The following PCSK5 variants were observed in gnomAD, a reference collection of about 807,000 sequenced individuals.
The protein encoded by PCSK5 is prohormone convertase 5.
Under a neutral mutation model 233.2 loss-of-function variants are expected in PCSK5, and 129 were observed. That is an observed-to-expected ratio of 0.55 (90% CI 0.48 to 0.64). The LOEUF is 0.64. PCSK5 is among the 30% of genes least tolerant of loss of function. The pLI is 0.00. For missense variants in PCSK5, 2,076 were observed against 2,430.1 expected (o/e 0.85, Z 3.06); for synonymous variants, 825 against 879.2 (o/e 0.94, Z 1.09).
intron 10 of PCSK5, among the ~76,000 whole-genome samples, chr9:76,136,858 A>G (rs1823004315): frequency 6.6e-6 from 1 of 152,004 alleles, no homozygotes; most frequent in Non-Finnish European, 1.5e-5. Context: ...GTAGCAAACA[A>G]CTCAGTTTTG....
chr9:75,935,455 A>G (rs959164650), intron 2 of PCSK5, among the ~76,000 whole-genome samples: 4 of 152,226 alleles, frequency 2.6e-5, no homozygotes, highest in African/African-American at 7.2e-5. Context: ...TGCGCCTTCA[A>G]TTCTAAATAA....
intron 5 of PCSK5, among the ~76,000 whole-genome samples, chr9:76,046,155 CTTTTGTTTT>C (rs1829364452): frequency 1.0e-3 from 57 of 55,676 alleles, no homozygotes; most frequent in African/African-American, 2.4e-3. Context: ...ATAATTTTTT[CTTTTGTTTT>C]TTTTTTTTTT....
intron 8 of PCSK5, among the ~76,000 whole-genome samples, chr9:76,103,189 C>T (rs1349529732): frequency 6.6e-6 from 1 of 152,134 alleles, no homozygotes; most frequent in Non-Finnish European, 1.5e-5. Flanking sequence ...GTCATTGACA[C>T]ATTTAAAATT....
chr9:76,098,617 T>G (rs150601401), intron 8 of PCSK5, among the ~76,000 whole-genome samples: 2 of 152,340 alleles, frequency 1.3e-5, no homozygotes, highest in East Asian at 3.9e-4. Flanking sequence ...TCACTATTGC[T>G]TCAAAGTAAT....
intron 32 of PCSK5, among the ~76,000 whole-genome samples, chr9:76,325,584 C>CT (rs1829335659): frequency 6.6e-6 from 1 of 152,198 alleles, no homozygotes; most frequent in Non-Finnish European, 1.5e-5. Context: ...TGTGACCCCA[C>CT]TAGTGAGGAC....
intron 2 of PCSK5, among the ~76,000 whole-genome samples, chr9:75,952,478 G>A (rs1280914056): frequency 6.6e-6 from 1 of 152,004 alleles, no homozygotes; most frequent in Non-Finnish European, 1.5e-5. Context: ...ATTTATATAT[G>A]GTAACATTTA....
chr9:76,252,747 C>A (rs1249864162), intron 24 of PCSK5, among the ~76,000 whole-genome samples: 1 of 152,162 alleles, frequency 6.6e-6, no homozygotes, highest in Non-Finnish European at 1.5e-5. Context: ...AGCTTCAAAT[C>A]TAGGACTTAG....
intron 14 of PCSK5, among the ~76,000 whole-genome samples, chr9:76,175,911 T>C (rs908501726): frequency 2.0e-5 from 3 of 152,218 alleles, no homozygotes; most frequent in East Asian, 1.9e-4. Flanking sequence ...AATCCTCTTA[T>C]CTCCTTGTGA....
intron 24 of PCSK5, among the ~76,000 whole-genome samples, chr9:76,259,295 G>A (rs1827085691): frequency 6.6e-6 from 1 of 151,940 alleles, no homozygotes; most frequent in Non-Finnish European, 1.5e-5. Context: ...GCCCATTCTT[G>A]CCCCAGGGCC....
chr9:75,949,072 T>C (rs1824722306), intron 2 of PCSK5, among the ~76,000 whole-genome samples: 2 of 149,820 alleles, frequency 1.3e-5, no homozygotes, highest in Middle Eastern at 6.3e-3. Context: ...CTAACACATC[T>C]GAAGTTTATA....
In PCSK5 at chr9:76,332,466, A is replaced by G. The variant is rs978407792; in HGVS notation, c.4604A>G (p.Tyr1535Cys). The G allele has an allele frequency of 6.2e-7, 1 of 1,612,548 alleles. No homozygotes were observed. Among genetic ancestry groups the G allele is most frequent in the East Asian group, 2.2e-5 (1 of 44,888 alleles). Residue 1535 changes from tyrosine to cysteine, a missense_variant, in exon 34 of 38, where the codon TAT becomes TGT. Tyr to Cys is a radical substitution (Grantham distance 194, BLOSUM62 -2). Around this residue, in one of 6 missense-constraint regions of PCSK5, gnomAD observed 1,510 missense variants for 1,538.1 expected, o/e 0.98. Coordinates refer to ENST00000674117, the MANE Select transcript of PCSK5 (RefSeq NM_001372043.1). ...TTCVKDCPEG[Y>C]YADEDSNRCA... ...TGTGTGAAGGACTGCCCAGAGGGCT[A>G]TTATGCCGATGAGGACAGCAACCGG...
At chr9:76,174,956 C>A in intron 13 of PCSK5, 30 bp from the exon 14 acceptor site, 1 of 1,566,548 alleles carries the variant, frequency 6.4e-7, no homozygotes, top group South Asian at 1.2e-5. Context: ...AAAATTTGGT[C>A]ATGCTGTGAT....
At position 76,189,232 on chromosome 9, in the gene PCSK5, A is replaced by G; in HGVS notation, c.2510+9A>G. The G allele has an allele frequency of 6.2e-7, 1 of 1,611,678 alleles. No individual in the cohort carries two copies. The highest frequency in any genetic ancestry group is 8.5e-7 in the Non-Finnish European group (1 of 1,179,370). ...TACAAATCCTGCAAAAAGTAAGTGG[A>G]TCTGCCCCCTGGGCCCTAGCATTTA... is the stretch of plus-strand genomic sequence containing the variant. On this transcript the variant is annotated intron_variant, in intron 19 of 37. Transcript: ENST00000674117.
In PCSK5 at chr9:76,227,560, G is replaced by T. The variant is rs1825937337; in HGVS notation, c.2684G>T (p.Cys895Phe). The T allele has an allele frequency of 6.2e-7, 1 of 1,612,198 alleles. No individual in the cohort carries two copies. Among genetic ancestry groups the T allele is most frequent in the Non-Finnish European group, 8.5e-7 (1 of 1,179,634 alleles). The change falls in exon 21 of 38, where the codon TGC becomes TTC. Residue 895 changes from cysteine (C) to phenylalanine (F), a missense_variant. Coordinates refer to ENST00000674117, the MANE Select transcript of PCSK5 (RefSeq NM_001372043.1). ...CQTCEASCAK[C>F]QGPTQEDCTT... ...ACCTGTGAGGCCTCATGTGCCAAGT[G>T]CCAGGGACCAACCCAGGAAGACTGC...
chr9:75,993,413 A>C (rs1826861343), intron 3 of PCSK5, among the ~76,000 whole-genome samples: 2 of 152,216 alleles, frequency 1.3e-5, no homozygotes, highest in South Asian at 4.1e-4. Flanking sequence ...TAATTTCTTA[A>C]GATCATCCTG....
At chr9:76,020,791 GC>G (rs1394014965) in intron 3 of PCSK5, among the ~76,000 whole-genome samples, 1 of 152,110 alleles carries the variant, frequency 6.6e-6, no homozygotes, top group East Asian at 1.9e-4. Flanking sequence ...TCCACTCCAG[GC>G]CGGTTATCCC....
chr9:76,127,862 G>T (rs939102149), intron 9 of PCSK5, among the ~76,000 whole-genome samples: 30 of 131,558 alleles, frequency 2.3e-4, no homozygotes, highest in Non-Finnish European at 4.6e-4. Context: ...CCACATTGCG[G>T]CTGAGGAAAC....
At chr9:76,065,474 T>G (rs576079464) in intron 5 of PCSK5, among the ~76,000 whole-genome samples, 1 of 152,324 alleles carries the variant, frequency 6.6e-6, no homozygotes, top group South Asian at 2.1e-4. Context: ...TTGTGAAATG[T>G]GTATTCAAAT....
rs1824856870 is a variant in PCSK5, at chr9:76,199,999, C to T, written c.2626+10253C>T. Among the ~76,000 whole-genome samples the T allele has an allele frequency of 2.6e-5, 4 of 152,136 alleles. No homozygotes were observed. In the South Asian group the frequency reaches 8.3e-4, roughly 32 times the overall value. Reference sequence around the variant, plus strand: ...AAATATATCTCTAAATGGTCTACTTCTGCCCACTCCATAGCTGTGACTGTG... The same window carrying T: ...AAATATATCTCTAAATGGTCTACTTTTGCCCACTCCATAGCTGTGACTGTG... On this transcript the variant is annotated intron_variant, in intron 20 of 37. Transcript: ENST00000674117.
Sources: gnomAD v4.1 joint callset for allele counts (sites outside exome capture counted in the v4.1 genomes callset) on GRCh38, gnomAD v4.1.1 for gene constraint, gnomAD v4.1.1 regional missense constraint, MANE v1.5 for transcripts, NCBI Gene and HGNC (gene_info 2026-07-23, HGNC 2026-07-21) for gene names.